TBC1D2B: variants seen among roughly 807,000 people sequenced by gnomAD.
The protein encoded by TBC1D2B is TBC1 domain family, member 2B.
Under a neutral mutation model 100.8 loss-of-function variants are expected in TBC1D2B, and 64 were observed. The ratio of observed to expected loss-of-function variants is 0.64; its 90% confidence interval spans 0.52 to 0.78. The LOEUF is 0.78. TBC1D2B is among the 30% of genes least tolerant of loss of function. The pLI is 0.00. For missense variants in TBC1D2B, 1,052 were observed against 1,218.4 expected (o/e 0.86, Z 2.03); for synonymous variants, 480 against 479.7 (o/e 1.00, Z -0.01).
At chr15:78,024,629 C>CA in intron 5 of TBC1D2B, 90 bp from the exon 6 acceptor site, 1 of 1,235,512 alleles carries the variant, frequency 8.1e-7, no homozygotes. Flanking sequence ...GAGTAATCGA[C>CA]AGAGTTTGAG....
chr15:78,073,159 G>A (rs1224384204), intron 1 of TBC1D2B, among the ~76,000 whole-genome samples: 1 of 152,168 alleles, frequency 6.6e-6, no homozygotes, highest in African/African-American at 2.4e-5. Context: ...GCTTCATGAT[G>A]TTGGCAAAAT....
Position 78,001,681 on chromosome 15 carries a change from C to T in TBC1D2B, c.2634G>A (p.Leu878=), listed in dbSNP as rs546485218. The T allele has an allele frequency of 8.6e-5, 139 of 1,608,316 alleles. No homozygotes were observed. Among genetic ancestry groups the T allele is most frequent in the South Asian group, 5.7e-4 (51 of 89,764 alleles). The part of the protein sequence containing the change: ...FKYKEEEILK[L]QDSMSIFKYL... Reference sequence around the variant, plus strand: ...ACTTAAATATAGACATCGAATCTTGCAATTTCAAAATCTCCTCTTCCTTGT... The same window carrying T: ...ACTTAAATATAGACATCGAATCTTGTAATTTCAAAATCTCCTCTTCCTTGT... Residue 878 remains leucine, a synonymous_variant, in exon 12 of 13, where the codon TTG becomes TTA. Coordinates refer to ENST00000300584, the MANE Select transcript of TBC1D2B (RefSeq NM_144572.2).
chr15:78,068,917 G>T (rs914821031), intron 1 of TBC1D2B, among the ~76,000 whole-genome samples: 4 of 152,332 alleles, frequency 2.6e-5, no homozygotes, highest in Middle Eastern at 3.4e-3. Context: ...ATGTCATTAA[G>T]ATCCCACTAC....
At chr15:78,002,304 C>T (rs1283709250) in intron 11 of TBC1D2B, among the ~76,000 whole-genome samples, 1 of 152,192 alleles carries the variant, frequency 6.6e-6, no homozygotes, top group Non-Finnish European at 1.5e-5. Flanking sequence ...CCTGCCTCAG[C>T]CTCCTGAGTA....
rs149927652 is a variant in TBC1D2B, at chr15:78,015,478, G to A, written c.1775+1068C>T. On this transcript the variant is annotated intron_variant, in intron 8 of 12. Coordinates refer to ENST00000300584, the MANE Select transcript of TBC1D2B (RefSeq NM_144572.2). ...AATATAAATAGTAAGAGCACAAAAC[G>A]CTTTTGCATGGGAAGAACACACAGC... 9.8e-3 allele frequency among the ~76,000 whole-genome samples: 1,499 copies of A among 152,206 alleles called. 35 individuals are homozygous for A. The highest frequency in any genetic ancestry group is 0.034 in the African/African-American group (1,418 of 41,530).
chr15:78,054,010 A>G, intron 2 of TBC1D2B, 24 bp downstream of exon 2: 3 of 1,602,932 alleles, frequency 1.9e-6, no homozygotes, highest in South Asian at 2.2e-5. Flanking sequence ...GAACTGACCC[A>G]GCTCCCCTTT....
intron 4 of TBC1D2B, among the ~76,000 whole-genome samples, chr15:78,026,711 T>C (rs1344613796): frequency 6.6e-6 from 1 of 151,664 alleles, no homozygotes; most frequent in East Asian, 1.9e-4. Context: ...AGGTCGGGAG[T>C]TCGAGACCAG....
intron 4 of TBC1D2B, 110 bp downstream of exon 4, chr15:78,029,897 C>A: frequency 1.3e-6 from 1 of 780,262 alleles, no homozygotes; most frequent in Non-Finnish European, 1.9e-6. Context: ...TGCAAGCCCC[C>A]ATTGGTCCTT....
chr15:78,018,009 A>C lies in TBC1D2B; in HGVS notation c.1471-52T>G, dbSNP rs369167852. ...ATTCACATTGGTTGAATATTGACTA[A>C]TTAATTACCCTATGTAGTCAGTAGC... On this transcript the variant is annotated intron_variant, in intron 6 of 12. Transcript: ENST00000300584. 4.0e-6 allele frequency: 4 copies of C among 989,708 alleles called. No individual in the cohort carries two copies. In the East Asian group the frequency reaches 1.0e-4, roughly 26 times the overall value. 61.3% of individuals were successfully genotyped at this position (989,708 alleles called of 1,614,324 possible).
intron 6 of TBC1D2B, among the ~76,000 whole-genome samples, chr15:78,022,157 A>G (rs1172115141): frequency 6.6e-6 from 1 of 152,206 alleles, no homozygotes; most frequent in East Asian, 1.9e-4. Flanking sequence ...TCAGGAGTTC[A>G]AGACTAGCCC....
intron 12 of TBC1D2B, 56 bp from the exon 13 acceptor site, chr15:77,998,411 C>G: frequency 6.8e-6 from 10 of 1,476,858 alleles, no homozygotes; most frequent in Middle Eastern, 1.8e-4. Flanking sequence ...AGAGTGCTCA[C>G]ACACAGCCCT....
chr15:78,022,388 TTC>T (rs1226066045), intron 6 of TBC1D2B, among the ~76,000 whole-genome samples: 1 of 152,078 alleles, frequency 6.6e-6, no homozygotes, highest in African/African-American at 2.4e-5. Flanking sequence ...AAATAAAAAT[TTC>T]TGTTTTCATT....
At chr15:78,026,234 G>T (rs182462197) in intron 4 of TBC1D2B, among the ~76,000 whole-genome samples, 3 of 151,646 alleles carry the variant, frequency 2.0e-5, no homozygotes, top group East Asian at 1.9e-4. Context: ...AATCCTCAAT[G>T]TAACAGTATT....
Position 78,024,246 on chromosome 15 carries a change from G to A in TBC1D2B, c.1380C>T (p.Gly460=), listed in dbSNP as rs2072595232. ...CGGTGGGAGGAGGCCCGTTGCCCTCGCCCTCGCTGAGCTTGATGATGACCT... is the reference window on the plus strand; with the variant it reads ...CGGTGGGAGGAGGCCCGTTGCCCTCACCCTCGCTGAGCTTGATGATGACCT... The part of the protein sequence containing the change: ...KDEVIIKLSE[G]EGNGPPPTVA... The change falls in exon 6 of 13, where the codon GGC becomes GGT. Residue 460 remains glycine (G), a synonymous_variant. Coordinates refer to ENST00000300584, the MANE Select transcript of TBC1D2B (RefSeq NM_144572.2). The A allele has an allele frequency of 2.5e-6, 4 of 1,613,908 alleles. No homozygotes were observed. The highest frequency in any genetic ancestry group is 2.2e-5 in the East Asian group (1 of 44,878).
chr15:78,063,193 T>C (rs928176119), intron 1 of TBC1D2B, among the ~76,000 whole-genome samples: 4 of 152,292 alleles, frequency 2.6e-5, no homozygotes, highest in African/African-American at 7.2e-5. Context: ...GTCTATATTA[T>C]CATGTTTACC....
In TBC1D2B at chr15:78,024,422, C is replaced by G. The variant is rs752475637; in HGVS notation, c.1204G>C (p.Asp402His). The G allele has an allele frequency of 6.2e-7, 1 of 1,614,072 alleles. No individual in the cohort carries two copies. Among genetic ancestry groups the G allele is most frequent in the Non-Finnish European group, 8.5e-7 (1 of 1,179,908 alleles). The stretch of plus-strand genomic sequence containing the variant: ...CTGGTAAGGCCCAGAATCTGATCAT[C>G]CTTTTGGTGCAGAAGCTCGAGCGTG... ...KDTLELLHQK[D>H]DQILGLTSQL... Residue 402 changes from aspartate to histidine, a missense_variant, in exon 6 of 13, where the codon GAT becomes CAT. Transcript: ENST00000300584.
chr15:78,062,164 A>C (rs561657099), intron 1 of TBC1D2B, among the ~76,000 whole-genome samples: 2 of 152,254 alleles, frequency 1.3e-5, no homozygotes, highest in Non-Finnish European at 2.9e-5. Context: ...GTCACTGATT[A>C]TAAGAGGGCT....
At position 78,003,438 on chromosome 15, in the gene TBC1D2B, T is replaced by C; in HGVS notation, c.2441A>G (p.His814Arg). ...GACTTTGTACTGTTCAAAGTGGCCA[T>C]GCAACCGAGGCAGCTTCTCACTCAT... ...DLMSEKLPRL[H>R]GHFEQYKVDY... The change falls in exon 11 of 13, where the codon CAT (histidine) becomes CGT (arginine). Residue 814 changes from histidine (H) to arginine (R), a missense_variant. By Grantham distance (29) the His-to-Arg change is conservative (BLOSUM62 0). This residue lies in a region of TBC1D2B where 373 missense variants were observed against 464.9 expected (regional missense o/e 0.80). Coordinates refer to ENST00000300584, the MANE Select transcript of TBC1D2B (RefSeq NM_144572.2). The C allele has an allele frequency of 2.5e-6, 4 of 1,613,666 alleles. No individual in the cohort carries two copies. Among genetic ancestry groups the C allele is most frequent in the Non-Finnish European group, 3.4e-6 (4 of 1,179,656 alleles).
At chr15:78,011,168 G>T (rs1175704889) in intron 9 of TBC1D2B, among the ~76,000 whole-genome samples, 1 of 152,090 alleles carries the variant, frequency 6.6e-6, no homozygotes, top group Admixed American at 6.5e-5. Context: ...ACCTTCTGAG[G>T]GCACATAGAG....
Sources: allele counts gnomAD v4.1 joint callset (sites outside exome capture counted in the v4.1 genomes callset), GRCh38; gene constraint gnomAD v4.1.1; regional missense constraint gnomAD v4.1.1; transcripts MANE v1.5; gene names NCBI Gene and HGNC (gene_info 2026-07-23, HGNC 2026-07-21).